HMOX2: variants seen among roughly 807,000 people sequenced by gnomAD.
The protein encoded by HMOX2 is heme oxygenase 2.
HMOX2 carries 30 observed loss-of-function variants against 33.7 expected under a neutral mutation model. The ratio of observed to expected loss-of-function variants is 0.89; its 90% confidence interval spans 0.67 to 1.21. The LOEUF (loss-of-function observed/expected upper bound fraction) is 1.21, where lower values mean the gene tolerates loss of function less well. Ranked by LOEUF, HMOX2 falls within the 50% of genes most tolerant of loss-of-function variation. The probability of loss-of-function intolerance (pLI) is 0.00; values close to 1 mark genes in which losing one functional copy is unlikely to be tolerated. For missense variants in HMOX2, 403 were observed against 399.1 expected (o/e 1.01, Z -0.08); for synonymous variants, 155 against 155.0 (o/e 1.00, Z 0.00).
chr16:4,504,329 TTTTC>T (rs2058633643), intron 1 of HMOX2, among the ~76,000 whole-genome samples: 1 of 150,704 alleles, frequency 6.6e-6, no homozygotes, highest in Non-Finnish European at 1.5e-5. Flanking sequence ...GTTTTTGAGG[TTTTC>T]TTTGTTTTTG....
chr16:4,498,933 G>A (rs1316373029), intron 1 of HMOX2, among the ~76,000 whole-genome samples: 1 of 152,170 alleles, frequency 6.6e-6, no homozygotes, highest in Admixed American at 6.5e-5. Flanking sequence ...ATTGAGCTCT[G>A]TCTGCTGCCC....
At chr16:4,489,584 A>G (rs992624519) in intron 1 of HMOX2, among the ~76,000 whole-genome samples, 6 of 152,054 alleles carry the variant, frequency 3.9e-5, no homozygotes, top group Non-Finnish European at 2.9e-5. Flanking sequence ...TCAGCCTCCC[A>G]GGTAGCTGGG....
chr16:4,476,065 G>C (rs1019565390), upstream of HMOX2: 1 of 152,260 alleles, frequency 6.6e-6, no homozygotes, highest in East Asian at 1.9e-4. Context: ...AGATTGCATT[G>C]GCAAGTGACC....
At position 4,487,257 on chromosome 16, in the gene HMOX2, CA is replaced by C. The variant is rs879421943; in HGVS notation, c.-42+10782del. On this transcript the variant is annotated intron_variant, in intron 1 of 5. Transcript: ENST00000570646. ...TGAGCAACACAGCAAGACCCTGTCT[CA>C]AAAAAAAAAAAGAAGTTGGGCACAG... 6.0e-3 allele frequency among the ~76,000 whole-genome samples: 849 copies of C among 140,962 alleles called. 2 individuals carry two copies. The highest frequency in any genetic ancestry group is 0.015 in the African/African-American group (588 of 38,528). The allele number at this position is 140,962 out of a possible 152,430, so 92.5% of individuals were successfully genotyped here.
rs1282863730 is a variant in HMOX2, at chr16:4,476,413, C to T, written c.-116C>T. On this transcript the variant is annotated 5_prime_UTR_variant, in exon 1 of 6. Transcript: ENST00000570646. ...GCGCCAGTCCGCTGGGCTGCAGGGACTGCGGCGCCTGAGGGAGTCGCTGAC... is the reference window on the plus strand; with the variant it reads ...GCGCCAGTCCGCTGGGCTGCAGGGATTGCGGCGCCTGAGGGAGTCGCTGAC... The T allele has an allele frequency of 6.6e-6, 1 of 152,272 alleles. No individual in the cohort carries two copies. The highest frequency in any genetic ancestry group is 1.5e-5 in the Non-Finnish European group (1 of 68,058). 9.4% of individuals were successfully genotyped at this position (152,272 alleles called of 1,614,324 possible).
At chr16:4,499,512 G>C (rs749617890) in intron 1 of HMOX2, among the ~76,000 whole-genome samples, 1 of 152,174 alleles carries the variant, frequency 6.6e-6, no homozygotes, top group East Asian at 1.9e-4. Flanking sequence ...GGGAAGGGAA[G>C]GGTGGGTGTG....
In HMOX2 at chr16:4,494,007, G is replaced by A. The variant is rs370176594; in HGVS notation, c.-41-11477G>A. ...GGCTGTGTCTGGGGAGTTACATACTGGTGAGGAAACTAGAAAACATGGCTG... is the reference window on the plus strand; with the variant it reads ...GGCTGTGTCTGGGGAGTTACATACTAGTGAGGAAACTAGAAAACATGGCTG... On this transcript the variant is annotated intron_variant, in intron 1 of 5. Transcript: ENST00000570646. 1.0e-3 allele frequency among the ~76,000 whole-genome samples: 156 copies of A among 152,244 alleles called. 1 individual carries two copies. Among genetic ancestry groups the A allele is most frequent in the Middle Eastern group, 6.8e-3 (2 of 294 alleles).
chr16:4,486,403 G>A (rs1201409479), intron 1 of HMOX2, among the ~76,000 whole-genome samples: 2 of 149,468 alleles, frequency 1.3e-5, no homozygotes, highest in African/African-American at 2.4e-5. Context: ...ACTGGCTAGT[G>A]TGGGTGAGGC....
At chr16:4,493,836 A>C (rs2058357094) in intron 1 of HMOX2, among the ~76,000 whole-genome samples, 1 of 152,256 alleles carries the variant, frequency 6.6e-6, no homozygotes, top group Admixed American at 6.5e-5. Flanking sequence ...CAATTTCTAC[A>C]AACTTTCATT....
At chr16:4,507,057 G>A in intron 3 of HMOX2, 45 bp downstream of exon 3, 2 of 1,310,786 alleles carry the variant, frequency 1.5e-6, no homozygotes, top group Non-Finnish European at 2.2e-6. Flanking sequence ...TGGGGTTGGG[G>A]TGGGGGCCTT....
chr16:4,487,938 CG>C (rs1226397367), intron 1 of HMOX2, among the ~76,000 whole-genome samples: 1 of 129,808 alleles, frequency 7.7e-6, no homozygotes, highest in Admixed American at 8.8e-5. Context: ...GCAACAAGAG[CG>C]AAACTCTGTC....
chr16:4,476,534 C>T (rs1047979254), intron 1 of HMOX2, 47 bp downstream of exon 1: 1 of 152,304 alleles, frequency 6.6e-6, no homozygotes, highest in Non-Finnish European at 1.5e-5. Context: ...CCCGGCTTCT[C>T]GGACCGCGCT....
In HMOX2 at chr16:4,508,023, A is replaced by G. The variant is rs2058739024; in HGVS notation, c.515A>G (p.Gln172Arg). The G allele has an allele frequency of 6.2e-7, 1 of 1,613,956 alleles. No individual in the cohort carries two copies. The highest frequency in any genetic ancestry group is 1.3e-5 in the African/African-American group (1 of 74,910). ...GGCCAGGTGCTGAAGAAGGTGGCCCAGCGAGCACTGAAACTCCCCAGCACA... is the reference window on the plus strand; with the variant it reads ...GGCCAGGTGCTGAAGAAGGTGGCCCGGCGAGCACTGAAACTCCCCAGCACA... ...SGGQVLKKVA[Q>R]RALKLPSTGE... Residue 172 changes from glutamine (Q) to arginine (R), a missense_variant, in exon 4 of 6, where the codon CAG becomes CGG. Transcript: ENST00000570646.
intron 1 of HMOX2, among the ~76,000 whole-genome samples, chr16:4,504,316 A>G (rs1217928387): frequency 6.7e-6 from 1 of 149,028 alleles, no homozygotes; most frequent in Non-Finnish European, 1.5e-5. Context: ...TTGTTTCCCT[A>G]AGGTTTTTGA....
intron 4 of HMOX2, among the ~76,000 whole-genome samples, chr16:4,509,121 G>C (rs923381551): frequency 4.6e-5 from 7 of 152,212 alleles, no homozygotes; most frequent in African/African-American, 1.7e-4. Context: ...GGGAGGCTGA[G>C]GCAGGGGCAT....
chr16:4,476,248 G>T, upstream of HMOX2: 1 of 152,438 alleles, frequency 6.6e-6, no homozygotes, highest in Non-Finnish European at 1.5e-5. Context: ...CCGCTGAGCA[G>T]AGCCTGAGCC....
intron 3 of HMOX2, 60 bp downstream of exon 3, chr16:4,507,072 C>A (rs1378655223): frequency 2.6e-6 from 3 of 1,147,664 alleles, no homozygotes; most frequent in African/African-American, 3.1e-5. Context: ...GGCCTTGGTC[C>A]CATGAGAAAA....
intron 4 of HMOX2, among the ~76,000 whole-genome samples, chr16:4,509,199 T>C (rs1054278835): frequency 1.3e-5 from 2 of 151,856 alleles, no homozygotes; most frequent in Non-Finnish European, 2.9e-5. Flanking sequence ...CCACAAAATT[T>C]AAAAATTAGC....
At chr16:4,502,076 C>G (rs768642257) in intron 1 of HMOX2, among the ~76,000 whole-genome samples, 45 of 152,286 alleles carry the variant, frequency 3.0e-4, no homozygotes, top group Middle Eastern at 3.4e-3. Flanking sequence ...AATTGCCCAC[C>G]ACCATGCCTG....
Sources: allele counts gnomAD v4.1 joint callset (sites outside exome capture counted in the v4.1 genomes callset), GRCh38; gene constraint gnomAD v4.1.1; transcripts MANE v1.5; gene names NCBI Gene and HGNC (gene_info 2026-07-23, HGNC 2026-07-21).